The following RGS7 variants were observed in gnomAD, a reference collection of about 807,000 sequenced individuals.
RGS7 encodes the protein regulator of G protein signaling 7.
In RGS7, 27 loss-of-function variants were observed where a neutral mutation model predicts 81.1. That is an observed-to-expected ratio of 0.33 (90% CI 0.25 to 0.46). The LOEUF (loss-of-function observed/expected upper bound fraction) is 0.46. Among genes scored for constraint, RGS7 ranks in the 20% least tolerant of loss-of-function variants. RGS7 has a pLI of 1.00. For synonymous variants in RGS7, 208 were observed against 207.7 expected (o/e 1.00, Z -0.01); for missense variants, 396 against 607.4 (o/e 0.65, Z 3.66).
intron 9 of RGS7, among the ~76,000 whole-genome samples, chr1:240,863,541 T>C (rs1278856956): frequency 6.6e-6 from 1 of 152,208 alleles, no homozygotes. Context: ...TGTAGGTTGT[T>C]ACACAATATT....
chr1:241,316,408 T>C (rs1047946855), intron 2 of RGS7, among the ~76,000 whole-genome samples: 12 of 152,326 alleles, frequency 7.9e-5, no homozygotes, highest in African/African-American at 2.9e-4. Flanking sequence ...TGCCTTGGTC[T>C]TTCCAGTGAC....
At chr1:241,247,814 G>A (rs188760720) in intron 2 of RGS7, among the ~76,000 whole-genome samples, 2 of 152,244 alleles carry the variant, frequency 1.3e-5, no homozygotes, top group Admixed American at 1.3e-4. Context: ...ATGTATTAAT[G>A]TCTTGTATTG....
intron 10 of RGS7, among the ~76,000 whole-genome samples, chr1:240,826,460 A>T (rs2147788572): frequency 6.6e-6 from 1 of 152,316 alleles, no homozygotes; most frequent in East Asian, 1.9e-4. Context: ...ACTTTGTGGA[A>T]TGTATTAATC....
chr1:241,056,691 G>A (rs1486462351), intron 3 of RGS7, among the ~76,000 whole-genome samples: 1 of 152,072 alleles, frequency 6.6e-6, no homozygotes, highest in Admixed American at 6.6e-5. Flanking sequence ...CCTCCCTTTG[G>A]CTTTGTGTTC....
chr1:240,836,138 G>C (rs1451448739), intron 9 of RGS7, among the ~76,000 whole-genome samples: 2 of 151,258 alleles, frequency 1.3e-5, no homozygotes, highest in Admixed American at 6.6e-5. Context: ...TACCGCTCTG[G>C]TGGGGTTGGG....
intron 3 of RGS7, among the ~76,000 whole-genome samples, chr1:241,024,699 G>C (rs2059703371): frequency 6.6e-6 from 1 of 152,136 alleles, no homozygotes; most frequent in South Asian, 2.1e-4. Context: ...CAAACATAGG[G>C]AGAACAAAGG....
Position 241,315,107 on chromosome 1 carries a change from CTTTTTTTTTTT to C in RGS7, c.78+40581_78+40591del, listed in dbSNP as rs5782184. 1.9e-3 allele frequency among the ~76,000 whole-genome samples: 108 copies of C among 57,436 alleles called. 2 individuals carry two copies. In the East Asian group the frequency reaches 0.052, roughly 28 times the overall value. The allele number at this position is 57,436 out of a possible 152,430, so 37.7% of individuals were successfully genotyped here. On this transcript the variant is annotated intron_variant, in intron 2 of 18. Transcript: ENST00000440928. ...GAAGCTTTTTTTTTTTCTTCTTCTTCTTTTTTTTTTTTTTTTTTTTTTTTTTTGAGATGCAG... is the reference window on the plus strand; with the variant it reads ...GAAGCTTTTTTTTTTTCTTCTTCTTCTTTTTTTTTTTTTTTTGAGATGCAG...
At chr1:240,788,589 T>C (rs1685450970) in intron 18 of RGS7, among the ~76,000 whole-genome samples, 1 of 152,238 alleles carries the variant, frequency 6.6e-6, no homozygotes, top group African/African-American at 2.4e-5. Flanking sequence ...GCAATCTGTG[T>C]TATCATGAGC....
intron 3 of RGS7, among the ~76,000 whole-genome samples, chr1:240,989,597 C>T (rs1686165308): frequency 2.0e-5 from 3 of 152,022 alleles, no homozygotes; most frequent in Admixed American, 6.6e-5. Context: ...CCATGGTTCC[C>T]GATGGCGTGC....
intron 3 of RGS7, among the ~76,000 whole-genome samples, chr1:241,003,841 T>C (rs1172111927): frequency 1.3e-5 from 2 of 152,104 alleles, no homozygotes; most frequent in South Asian, 2.1e-4. Context: ...CTCCGCCTCC[T>C]GGGTTCAAGT....
intron 2 of RGS7, among the ~76,000 whole-genome samples, chr1:241,184,638 T>G (rs1209061231): frequency 6.6e-6 from 1 of 152,180 alleles, no homozygotes; most frequent in Non-Finnish European, 1.5e-5. Context: ...ATTTAAAATA[T>G]TGTATAAAAT....
rs768006795 is a variant in RGS7 at position 240,813,676 on chromosome 1, G to A, written c.898C>T (p.Pro300Ser). Residue 300 changes from proline to serine, a missense_variant, in exon 13 of 19, where the codon CCT becomes TCT. Coordinates refer to ENST00000440928, the MANE Select transcript of RGS7 (RefSeq NM_001364886.1). The part of the protein sequence containing the change: ...YLEYDPFLLP[P>S]DPSNPWLSDD... ...GACAGCCATGGGTTAGAAGGGTCAG[G>A]TGGCAAAAGAAACGGGTCGTATTCT... 4 of 1,613,886 alleles carry A rather than the reference G, an allele frequency of 2.5e-6. No homozygotes were observed. Among genetic ancestry groups the A allele is most frequent in the African/African-American group, 2.7e-5 (2 of 74,926 alleles).
At chr1:241,033,697 G>A (rs971036810) in intron 3 of RGS7, among the ~76,000 whole-genome samples, 1 of 152,010 alleles carries the variant, frequency 6.6e-6, no homozygotes, top group Non-Finnish European at 1.5e-5. Flanking sequence ...GCAAAGTTAG[G>A]TTAACAACTC....
At chr1:240,908,349 A>G (rs1003001530) in intron 6 of RGS7, among the ~76,000 whole-genome samples, 1 of 152,198 alleles carries the variant, frequency 6.6e-6, no homozygotes, top group Non-Finnish European at 1.5e-5. Context: ...AAGCATAATA[A>G]AAATTAAATT....
At chr1:241,137,098 A>G (rs545619206) in intron 2 of RGS7, among the ~76,000 whole-genome samples, 4 of 152,196 alleles carry the variant, frequency 2.6e-5, no homozygotes, top group Non-Finnish European at 4.4e-5. Flanking sequence ...TTTAGGCATC[A>G]TATCATCAGG....
At chr1:241,340,611 G>A (rs555076808) in intron 2 of RGS7, among the ~76,000 whole-genome samples, 23 of 152,044 alleles carry the variant, frequency 1.5e-4, no homozygotes, top group Admixed American at 7.9e-4. Context: ...TCTTAATTAC[G>A]CTTCATCACT....
At chr1:241,070,324 GAA>G (rs375392335) in intron 3 of RGS7, among the ~76,000 whole-genome samples, 1 of 138,672 alleles carries the variant, frequency 7.2e-6, no homozygotes, top group African/African-American at 2.7e-5. Context: ...AGGAGAAATG[GAA>G]AAAAAAAAAA....
intron 6 of RGS7, among the ~76,000 whole-genome samples, chr1:240,918,051 G>A (rs545285489): frequency 7.2e-5 from 11 of 152,102 alleles, no homozygotes; most frequent in Non-Finnish European, 1.3e-4. Context: ...TCTCCACAAA[G>A]ACATAACAAC....
chr1:241,211,557 A>G (rs1199255033), intron 2 of RGS7, among the ~76,000 whole-genome samples: 1 of 152,192 alleles, frequency 6.6e-6, no homozygotes, highest in Non-Finnish European at 1.5e-5. Context: ...AAGACCTAGC[A>G]TACAGTTGGT....
Sources: gnomAD v4.1 joint callset for allele counts (sites outside exome capture counted in the v4.1 genomes callset) on GRCh38, gnomAD v4.1.1 for gene constraint, MANE v1.5 for transcripts, NCBI Gene and HGNC (gene_info 2026-07-23, HGNC 2026-07-21) for gene names.